SLC45A2: variants seen among roughly 807,000 people sequenced by gnomAD.
SLC45A2 encodes membrane-associated transporter protein.
SLC45A2 carries 36 observed loss-of-function variants against 45.5 expected under a neutral mutation model. The observed-to-expected ratio is 0.79, with a 90% CI of 0.61 to 1.04. SLC45A2 has a LOEUF of 1.04. Ranked by LOEUF, SLC45A2 falls within the 50% of genes least tolerant of loss-of-function variation. SLC45A2 has a pLI of 0.00. For synonymous variants in SLC45A2, 306 were observed against 269.3 expected, an observed-to-expected ratio of 1.14 and a Z score of -1.33; for missense variants, 719 against 671.0, an observed-to-expected ratio of 1.07 and a Z score of -0.79.
intron 2 of SLC45A2, chr5:33,970,972 C>A: frequency 2.1e-6 from 1 of 483,632 alleles, no homozygotes; most frequent in Admixed American, 2.2e-5. Flanking sequence ...AAGAATTTAC[C>A]AAACCGTATG....
intron 2 of SLC45A2, among the ~76,000 whole-genome samples, chr5:33,966,509 C>A (rs1446917015): frequency 1.4e-5 from 2 of 142,962 alleles, no homozygotes; most frequent in African/African-American, 5.3e-5. Context: ...GGCGCAATCT[C>A]GGCTCACTGC....
At chr5:33,965,679 G>C (rs1250035885) in intron 2 of SLC45A2, among the ~76,000 whole-genome samples, 1 of 152,204 alleles carries the variant, frequency 6.6e-6, no homozygotes, top group Admixed American at 6.5e-5. Context: ...CTCTACGACT[G>C]ATTCAGAAGA....
rs147350335 is a variant in SLC45A2, at chr5:33,982,886, G to A, written c.386-474C>T. ...GCTGAGGGAGATGCTTCCAATCCCAGCCCCAGCAAAGGTCAGGCTTTAAGG... is the reference window on the plus strand; with the variant it reads ...GCTGAGGGAGATGCTTCCAATCCCAACCCCAGCAAAGGTCAGGCTTTAAGG... On this transcript the variant is annotated intron_variant, in intron 1 of 6. Coordinates refer to ENST00000296589, the MANE Select transcript of SLC45A2 (RefSeq NM_016180.5). 3.8e-3 allele frequency among the ~76,000 whole-genome samples: 579 copies of A among 152,318 alleles called. 3 individuals carry two copies. The highest frequency in any genetic ancestry group is 0.013 in the African/African-American group (554 of 41,576).
At chr5:33,947,511 A>T (rs1018995475) in intron 5 of SLC45A2, 137 bp from the exon 6 acceptor site, 1 of 860,252 alleles carries the variant, frequency 1.2e-6, no homozygotes, top group African/African-American at 1.7e-5. Flanking sequence ...GAATCCCCTT[A>T]TCTGTGGGTT....
intron 2 of SLC45A2, among the ~76,000 whole-genome samples, chr5:33,965,032 A>T (rs766276796): frequency 2.0e-5 from 3 of 152,206 alleles, no homozygotes; most frequent in Non-Finnish European, 4.4e-5. Flanking sequence ...TATGTCACAA[A>T]CTTATGTAGG....
intron 2 of SLC45A2, among the ~76,000 whole-genome samples, chr5:33,974,565 G>A (rs180701390): frequency 4.6e-5 from 7 of 152,274 alleles, no homozygotes; most frequent in East Asian, 1.9e-4. Flanking sequence ...TGCCTCTGCC[G>A]GAAAACGTTT....
At chr5:33,980,519 G>C (rs577078023) in intron 2 of SLC45A2, among the ~76,000 whole-genome samples, 4 of 152,322 alleles carry the variant, frequency 2.6e-5, no homozygotes, top group African/African-American at 9.6e-5. Context: ...GATAATGTAA[G>C]AGAAAATACC....
intron 2 of SLC45A2, among the ~76,000 whole-genome samples, chr5:33,974,637 C>T (rs3776549): frequency 0.075 from 11,448 of 152,170 alleles, 691 homozygotes; most frequent in East Asian, 0.18. Flanking sequence ...AAAAGTTTGG[C>T]ATGTATGCAA....
chr5:33,953,085 G>C (rs1462016982), intron 4 of SLC45A2, among the ~76,000 whole-genome samples: 1 of 134,764 alleles, frequency 7.4e-6, no homozygotes, highest in Non-Finnish European at 1.6e-5. Flanking sequence ...TCTTAATCCA[G>C]TCTATCATTG....
chr5:33,949,778 T>C (rs1752042208), intron 5 of SLC45A2, among the ~76,000 whole-genome samples: 1 of 152,054 alleles, frequency 6.6e-6, no homozygotes. Flanking sequence ...CTAAAAATAA[T>C]ATGCTTTAAA....
At chr5:33,982,693 T>C (rs1176265072) in intron 1 of SLC45A2, among the ~76,000 whole-genome samples, 1 of 152,162 alleles carries the variant, frequency 6.6e-6, no homozygotes, top group Non-Finnish European at 1.5e-5. Flanking sequence ...GGGTTTATTT[T>C]GGGGGTGATG....
At chr5:33,951,401 G>T in intron 5 of SLC45A2, 153 bp downstream of exon 5, 1 of 1,566,308 alleles carries the variant, frequency 6.4e-7, no homozygotes, top group Admixed American at 1.8e-5. Context: ...GCTTTATATG[G>T]TCCTTTTTAA....
intron 2 of SLC45A2, among the ~76,000 whole-genome samples, chr5:33,968,689 C>G (rs924053231): frequency 1.3e-5 from 2 of 152,156 alleles, no homozygotes; most frequent in Non-Finnish European, 2.9e-5. Context: ...ACTGTCAGTA[C>G]CAAGGAATCT....
intron 5 of SLC45A2, among the ~76,000 whole-genome samples, chr5:33,948,201 G>C (rs914043200): frequency 6.6e-6 from 1 of 152,224 alleles, no homozygotes; most frequent in Non-Finnish European, 1.5e-5. Flanking sequence ...GCTGGAGACA[G>C]TTGACTTTTA....
At chr5:33,973,506 C>A (rs1341828933) in intron 2 of SLC45A2, among the ~76,000 whole-genome samples, 2 of 152,164 alleles carry the variant, frequency 1.3e-5, no homozygotes, top group Admixed American at 6.5e-5. Flanking sequence ...TGAAGTGACT[C>A]CTTTCCTCTG....
intron 5 of SLC45A2, among the ~76,000 whole-genome samples, chr5:33,950,875 GC>G (rs1356078248): frequency 6.6e-6 from 1 of 152,200 alleles, no homozygotes; most frequent in Non-Finnish European, 1.5e-5. Context: ...TGTATACAGA[GC>G]TTGGAGATAT....
At chr5:33,954,831 G>A (rs1430666857) in intron 3 of SLC45A2, among the ~76,000 whole-genome samples, 1 of 152,164 alleles carries the variant, frequency 6.6e-6, no homozygotes, top group Non-Finnish European at 1.5e-5. Context: ...CAAGGACAAA[G>A]CTCACAGACA....
At chr5:33,971,475 A>G (rs928634415) in intron 2 of SLC45A2, 1 of 389,362 alleles carries the variant, frequency 2.6e-6, no homozygotes, top group South Asian at 2.0e-5. Context: ...GTCTCACTCT[A>G]TTGTCCAGGC....
At chr5:33,971,440 T>C (rs974200261) in intron 2 of SLC45A2, 6 of 388,498 alleles carry the variant, frequency 1.5e-5, no homozygotes, top group East Asian at 6.5e-5. Flanking sequence ...ACTTTTTTCC[T>C]TTTTTTTTGT....
Sources: allele counts gnomAD v4.1 joint callset (sites outside exome capture counted in the v4.1 genomes callset), GRCh38; gene constraint gnomAD v4.1.1; transcripts MANE v1.5; gene names NCBI Gene and HGNC (gene_info 2026-07-23, HGNC 2026-07-21).